Variants in CD96 observed in about 807,000 individuals in gnomAD.
CD96 encodes T-cell surface protein tactile.
A neutral mutation model predicts 71.3 loss-of-function variants in CD96; 70 were observed. That is an observed-to-expected ratio of 0.98 (90% CI 0.81 to 1.20). The LOEUF (loss-of-function observed/expected upper bound fraction) is 1.20, where lower values mean the gene tolerates loss of function less well. Ranked by LOEUF, CD96 falls within the 50% of genes most tolerant of loss-of-function variation. CD96 has a pLI of 0.00. For synonymous variants in CD96, 248 were observed against 233.0 expected (o/e 1.06, Z -0.59); for missense variants, 742 against 677.5 (o/e 1.10, Z -1.06).
At chr3:111,657,648 C>T (rs1445018598) in intron 14 of CD96, among the ~76,000 whole-genome samples, 1 of 151,836 alleles carries the variant, frequency 6.6e-6, no homozygotes, top group Admixed American at 6.6e-5. Context: ...CATTGGGTGC[C>T]CAGGTTCTCA....
intron 12 of CD96, among the ~76,000 whole-genome samples, 181 bp downstream of exon 12, chr3:111,638,349 CTA>C (rs1190935226): frequency 1.3e-5 from 2 of 152,104 alleles, no homozygotes; most frequent in Non-Finnish European, 2.9e-5. Flanking sequence ...ATAATCACAA[CTA>C]AATTTATTTT....
chr3:111,662,125 C>T (rs1940373670), intron 14 of CD96, among the ~76,000 whole-genome samples: 2 of 152,246 alleles, frequency 1.3e-5, no homozygotes, highest in Admixed American at 1.3e-4. Context: ...CTTGGGCTTG[C>T]ACCCTCTGAA....
intron 7 of CD96, among the ~76,000 whole-genome samples, chr3:111,602,601 T>C (rs1444464084): frequency 3.3e-5 from 5 of 152,224 alleles, no homozygotes; most frequent in Non-Finnish European, 7.3e-5. Context: ...CAAGGCTCTA[T>C]AAAGCAGTGT....
chr3:111,576,495 C>A (rs145167352), intron 3 of CD96, among the ~76,000 whole-genome samples: 2 of 152,244 alleles, frequency 1.3e-5, no homozygotes, highest in East Asian at 3.9e-4. Context: ...ACTGTAGATA[C>A]TTCAGAAAGG....
intron 8 of CD96, among the ~76,000 whole-genome samples, chr3:111,617,497 C>T (rs1281854567): frequency 6.6e-6 from 1 of 152,192 alleles, no homozygotes; most frequent in Non-Finnish European, 1.5e-5. Flanking sequence ...TCAAGACTAC[C>T]AGCTGTGGGA....
At chr3:111,572,202 A>G in intron 3 of CD96, among the ~76,000 whole-genome samples, 1 of 152,192 alleles carries the variant, frequency 6.6e-6, no homozygotes, top group Non-Finnish European at 1.5e-5. Flanking sequence ...ACACCTTCCC[A>G]ACCCTTCATG....
At chr3:111,661,930 C>T (rs558460849) in intron 14 of CD96, among the ~76,000 whole-genome samples, 9 of 151,722 alleles carry the variant, frequency 5.9e-5, no homozygotes, top group African/African-American at 1.9e-4. Flanking sequence ...GGGTTCCAAG[C>T]TCACATTTCC....
chr3:111,588,954 C>CTTTT (rs772858162), intron 5 of CD96, among the ~76,000 whole-genome samples: 1 of 136,260 alleles, frequency 7.3e-6, no homozygotes, highest in Non-Finnish European at 1.6e-5. Flanking sequence ...CTTTTTTTTT[C>CTTTT]TTTTTTTTTT....
At chr3:111,659,610 G>A (rs1255407366) in intron 14 of CD96, among the ~76,000 whole-genome samples, 1 of 152,072 alleles carries the variant, frequency 6.6e-6, no homozygotes, top group Non-Finnish European at 1.5e-5. Context: ...TTATTCAGGA[G>A]GAAGTTCTTT....
chr3:111,610,285 G>A (rs1937851690), intron 8 of CD96, among the ~76,000 whole-genome samples: 2 of 152,216 alleles, frequency 1.3e-5, no homozygotes, highest in Admixed American at 1.3e-4. Flanking sequence ...TGGCAAACTG[G>A]AGGGTAATTG....
intron 14 of CD96, among the ~76,000 whole-genome samples, chr3:111,664,018 G>T (rs559068296): frequency 6.6e-6 from 1 of 152,258 alleles, no homozygotes; most frequent in South Asian, 2.1e-4. Flanking sequence ...CCAAAGTGAT[G>T]GGGTTACAGG....
chr3:111,644,773 A>G (rs993576353), intron 12 of CD96, among the ~76,000 whole-genome samples: 8 of 152,216 alleles, frequency 5.3e-5, no homozygotes. Flanking sequence ...AAAATGCTCA[A>G]CATCACTAAT....
At chr3:111,594,048 T>C (rs1389347920) in intron 5 of CD96, 15 of 1,614,140 alleles carry the variant, frequency 9.3e-6, no homozygotes, top group African/African-American at 1.3e-5. Context: ...GAGAACCGGG[T>C]GCCCTTGTTG....
At chr3:111,548,068 G>A (rs1310369930) in intron 2 of CD96, among the ~76,000 whole-genome samples, 2 of 152,116 alleles carry the variant, frequency 1.3e-5, no homozygotes, top group African/African-American at 4.8e-5. Context: ...TTATGCCCCT[G>A]TGCAATCTTT....
intron 2 of CD96, among the ~76,000 whole-genome samples, chr3:111,557,651 C>T (rs1469421998): frequency 7.5e-6 from 1 of 133,398 alleles, no homozygotes. Context: ...ATGCCTCCAG[C>T]TTTGTTCTTT....
intron 12 of CD96, among the ~76,000 whole-genome samples, chr3:111,645,967 C>A (rs1939809050): frequency 6.6e-6 from 1 of 152,072 alleles, no homozygotes; most frequent in Non-Finnish European, 1.5e-5. Context: ...ACATCTAGTT[C>A]TTTGACCTGT....
At chr3:111,606,386 AG>A (rs1057289482) in intron 7 of CD96, among the ~76,000 whole-genome samples, 20 of 152,168 alleles carry the variant, frequency 1.3e-4, no homozygotes, top group Non-Finnish European at 2.2e-4. Flanking sequence ...AACTTTTTCC[AG>A]GGAGCCTTCT....
intron 13 of CD96, among the ~76,000 whole-genome samples, chr3:111,649,437 G>T (rs762150809): frequency 6.6e-6 from 1 of 152,276 alleles, no homozygotes; most frequent in East Asian, 1.9e-4. Context: ...TCTGTAGATG[G>T]TGAGGCAATT....
chr3:111,613,931 G>T (rs1352770637), intron 8 of CD96, among the ~76,000 whole-genome samples: 2 of 152,152 alleles, frequency 1.3e-5, no homozygotes, highest in African/African-American at 2.4e-5. Context: ...CGGTAGGTTA[G>T]CAAAGAATAA....
Sources: allele counts gnomAD v4.1 joint callset (sites outside exome capture counted in the v4.1 genomes callset), GRCh38; gene constraint gnomAD v4.1.1; transcripts MANE v1.5; gene names NCBI Gene and HGNC (gene_info 2026-07-23, HGNC 2026-07-21).